PTPRE: variants seen among roughly 807,000 people sequenced by gnomAD.
PTPRE encodes receptor-type tyrosine-protein phosphatase epsilon.
In PTPRE, 51 loss-of-function variants were observed where a neutral mutation model predicts 102.0. The ratio of observed to expected loss-of-function variants is 0.50; its 90% confidence interval spans 0.40 to 0.63. PTPRE has a LOEUF of 0.63. Ranked by LOEUF, PTPRE falls within the 30% of genes least tolerant of loss-of-function variation. PTPRE has a pLI of 0.00. For missense variants in PTPRE, 752 were observed against 915.1 expected (o/e 0.82, Z 2.30); for synonymous variants, 345 against 348.2 (o/e 0.99, Z 0.10).
intron 1 of PTPRE, among the ~76,000 whole-genome samples, chr10:127,946,756 G>A (rs1241240972): frequency 1.3e-5 from 2 of 152,180 alleles, no homozygotes; most frequent in Non-Finnish European, 2.9e-5. Flanking sequence ...AGGAATCACA[G>A]GACACGGCAG....
rs946358085 is a variant in PTPRE at position 127,987,291 on chromosome 10, A to G, written c.-8+4995A>G. On this transcript the variant is annotated intron_variant, in intron 2 of 20. Transcript: ENST00000254667. ...TCGTCACCGTGTTCACAGCAGACCC[A>G]GTTCAAAGTTGGAATTCTTCTAGAA... The G allele has an allele frequency of 3.2e-6, 4 of 1,238,800 alleles. No individual in the cohort carries two copies. In the Admixed American group the frequency reaches 8.6e-5, roughly 27 times the overall value. 76.7% of individuals were successfully genotyped at this position (1,238,800 alleles called of 1,614,324 possible). A position where few individuals can be genotyped will look rare whatever the true frequency, so the allele number is the denominator to read the frequency against.
At chr10:128,029,570 G>A (rs896103192) in intron 2 of PTPRE, among the ~76,000 whole-genome samples, 1 of 152,312 alleles carries the variant, frequency 6.6e-6, no homozygotes. Flanking sequence ...CCCTGAGGGC[G>A]GTGCACTGCT....
intron 1 of PTPRE, among the ~76,000 whole-genome samples, chr10:127,941,727 A>G (rs894086400): frequency 6.6e-6 from 1 of 152,094 alleles, no homozygotes; most frequent in East Asian, 1.9e-4. Flanking sequence ...CCAGATCTCC[A>G]TTCCCCTGCT....
intron 15 of PTPRE, chr10:128,071,207 T>C: frequency 4.8e-6 from 2 of 418,482 alleles, no homozygotes; most frequent in Non-Finnish European, 8.7e-6. Context: ...AGCTGGAGAT[T>C]TGCGGCAGGC....
intron 1 of PTPRE, among the ~76,000 whole-genome samples, chr10:127,936,685 C>T (rs1414123879): frequency 2.0e-5 from 3 of 152,128 alleles, no homozygotes; most frequent in South Asian, 2.1e-4. Flanking sequence ...AGCGTTGTCC[C>T]ATTTTACAGA....
At chr10:128,061,385 C>T (rs912668577) in intron 8 of PTPRE, among the ~76,000 whole-genome samples, 13 of 152,228 alleles carry the variant, frequency 8.5e-5, no homozygotes, top group African/African-American at 2.9e-4. Flanking sequence ...ATTAAAAATA[C>T]AACATAAAAT....
intron 1 of PTPRE, among the ~76,000 whole-genome samples, chr10:127,913,720 G>T (rs762407156): frequency 3.3e-5 from 5 of 152,194 alleles, no homozygotes; most frequent in African/African-American, 1.2e-4. Flanking sequence ...GGAAGCTCCT[G>T]TCCAGGCAGG....
intron 1 of PTPRE, among the ~76,000 whole-genome samples, chr10:127,966,456 T>C (rs2135407891): frequency 6.6e-6 from 1 of 152,286 alleles, no homozygotes; most frequent in Non-Finnish European, 1.5e-5. Context: ...AATCAGTATT[T>C]ATTGAGCCTG....
intron 1 of PTPRE, among the ~76,000 whole-genome samples, chr10:127,918,297 G>A (rs1253888476): frequency 2.0e-5 from 3 of 152,024 alleles, no homozygotes; most frequent in Admixed American, 2.0e-4. Flanking sequence ...AGTGGCTCAC[G>A]CCTGTAATAC....
intron 11 of PTPRE, among the ~76,000 whole-genome samples, chr10:128,067,688 A>G (rs1160153418): frequency 1.3e-5 from 2 of 152,254 alleles, no homozygotes; most frequent in Non-Finnish European, 2.9e-5. Flanking sequence ...TCCAAAGAGC[A>G]GGCCGACTGC....
chr10:128,082,195 C>CTTTTT lies in PTPRE; in HGVS notation c.2029-613_2029-609dup, dbSNP rs35709074. ...TTAGTACTCTGATTTTTTTCTCTTT[C>CTTTTT]TTTTTTTTTTTTTTTTTTTTTTTTT... On this transcript the variant is annotated intron_variant, in intron 20 of 20. Transcript: ENST00000254667. 9.9e-4 allele frequency among the ~76,000 whole-genome samples: 88 copies of CTTTTT among 89,036 alleles called. 1 individual carries two copies. The highest frequency in any genetic ancestry group is 1.5e-3 in the African/African-American group (32 of 21,992). The allele number at this position is 89,036 out of a possible 152,430, so 58.4% of individuals were successfully genotyped here. A position where few individuals can be genotyped will look rare whatever the true frequency, so the allele number is the denominator to read the frequency against.
intron 2 of PTPRE, among the ~76,000 whole-genome samples, chr10:127,994,751 G>T (rs1162554394): frequency 1.3e-5 from 2 of 152,120 alleles, no homozygotes; most frequent in Admixed American, 6.5e-5. Context: ...GCCCGATGTC[G>T]CAGGGGCTGT....
intron 1 of PTPRE, among the ~76,000 whole-genome samples, chr10:127,939,738 T>A (rs556631611): frequency 1.5e-3 from 223 of 151,828 alleles, no homozygotes; most frequent in Admixed American, 3.2e-3. Context: ...AAGGAAGAGA[T>A]AGGCTCTGGA....
intron 7 of PTPRE, among the ~76,000 whole-genome samples, chr10:128,060,508 T>C (rs1849490319): frequency 6.6e-6 from 1 of 151,944 alleles, no homozygotes; most frequent in Admixed American, 6.6e-5. Context: ...CCTGGGAGAG[T>C]GGACCCAGTT....
chr10:127,983,264 G>A (rs1260791510), intron 2 of PTPRE, among the ~76,000 whole-genome samples: 3 of 152,162 alleles, frequency 2.0e-5, no homozygotes, highest in Admixed American at 6.5e-5. Context: ...TTCTTGATAA[G>A]GAATGTTAAA....
intron 11 of PTPRE, among the ~76,000 whole-genome samples, chr10:128,067,257 C>T (rs1324290783): frequency 6.6e-6 from 1 of 151,768 alleles, no homozygotes; most frequent in Non-Finnish European, 1.5e-5. Context: ...CATTCATGCA[C>T]ATGCATACAT....
At chr10:127,920,393 A>G (rs1313685553) in intron 1 of PTPRE, among the ~76,000 whole-genome samples, 2 of 152,180 alleles carry the variant, frequency 1.3e-5, no homozygotes, top group African/African-American at 2.4e-5. Context: ...CCAGGGTACC[A>G]GTTCCCAGAT....
intron 2 of PTPRE, among the ~76,000 whole-genome samples, chr10:128,019,224 T>C (rs971860893): frequency 2.0e-5 from 3 of 152,226 alleles, no homozygotes; most frequent in African/African-American, 7.2e-5. Flanking sequence ...GCTCACTGCA[T>C]GACTTGGGCC....
chr10:127,959,820 C>T (rs1849668775), intron 1 of PTPRE, among the ~76,000 whole-genome samples: 1 of 152,164 alleles, frequency 6.6e-6, no homozygotes, highest in Non-Finnish European at 1.5e-5. Context: ...TATGACCCAC[C>T]TTGCAGGCTG....
Sources: gnomAD v4.1 joint callset for allele counts (sites outside exome capture counted in the v4.1 genomes callset) on GRCh38, gnomAD v4.1.1 for gene constraint, MANE v1.5 for transcripts, NCBI Gene and HGNC (gene_info 2026-07-23, HGNC 2026-07-21) for gene names.